RPH3AL: variants seen among roughly 807,000 people sequenced by gnomAD.
The protein encoded by RPH3AL is rab effector Noc2.
A neutral mutation model predicts 43.1 loss-of-function variants in RPH3AL; 38 were observed. That is an observed-to-expected ratio of 0.88 (90% CI 0.68 to 1.15). The LOEUF (loss-of-function observed/expected upper bound fraction) is 1.15, where lower values mean the gene tolerates loss of function less well. Ranked by LOEUF, RPH3AL falls within the 50% of genes most tolerant of loss-of-function variation. The pLI is 0.00. For missense variants in RPH3AL, 462 were observed against 423.2 expected, an observed-to-expected ratio of 1.09 and a Z score of -0.81; for synonymous variants, 189 against 176.3, an observed-to-expected ratio of 1.07 and a Z score of -0.57.
In RPH3AL at chr17:289,474, C is replaced by T. The variant is rs969862036; in HGVS notation, c.352-7620G>A. 3.3e-5 allele frequency among the ~76,000 whole-genome samples: 5 copies of T among 152,272 alleles called. No individual in the cohort carries two copies. Among genetic ancestry groups the T allele is most frequent in the Admixed American group, 1.3e-4 (2 of 15,304 alleles). On this transcript the variant is annotated intron_variant, in intron 5 of 9. Coordinates refer to ENST00000331302, the MANE Select transcript of RPH3AL (RefSeq NM_006987.4). The surrounding 1 kb of genome is among the most constrained non-coding windows in gnomAD (Gnocchi z 5.2). ...CCACCGCCCACGCCCACACCAAGGC[C>T]GCCCAGCAGATCTCTCTACCCCACC...
chr17:278,281 C>A (rs1053972768), intron 6 of RPH3AL, among the ~76,000 whole-genome samples: 1 of 152,174 alleles, frequency 6.6e-6, no homozygotes, highest in African/African-American at 2.4e-5. Context: ...GTAAGACGTG[C>A]CTTTCGCCTT....
chr17:286,563 G>T (rs2042917583), intron 5 of RPH3AL, among the ~76,000 whole-genome samples: 1 of 152,208 alleles, frequency 6.6e-6, no homozygotes, highest in South Asian at 2.1e-4. Flanking sequence ...CTCTTCCAAT[G>T]GGCTCGGTCT....
At chr17:260,226 G>A (rs1262112862) in intron 6 of RPH3AL, among the ~76,000 whole-genome samples, 1 of 152,168 alleles carries the variant, frequency 6.6e-6, no homozygotes, top group Non-Finnish European at 1.5e-5. Flanking sequence ...AGGCAGTCAC[G>A]CTTCCCCGGA....
intron 6 of RPH3AL, among the ~76,000 whole-genome samples, chr17:259,623 C>T (rs556303653): frequency 1.6e-4 from 24 of 152,342 alleles, no homozygotes; most frequent in Admixed American, 5.2e-4. Context: ...CCCTACTCGG[C>T]TCCCCACGTG....
At chr17:331,503 T>C in intron 2 of RPH3AL, 2 of 1,183,960 alleles carry the variant, frequency 1.7e-6, no homozygotes, top group Non-Finnish European at 2.2e-6. Flanking sequence ...TGGCCGTGGC[T>C]GGCACCTCAG....
intron 5 of RPH3AL, among the ~76,000 whole-genome samples, chr17:315,817 T>G (rs76139864): frequency 1.8e-4 from 13 of 72,770 alleles, no homozygotes; most frequent in Non-Finnish European, 1.5e-4. Context: ...CCCACCTCCA[T>G]TGACCTGTAG....
Position 321,381 on chromosome 17 carries a change from T to G in RPH3AL, c.112A>C (p.Thr38Pro), listed in dbSNP as rs2044466732. 6.2e-7 allele frequency: 1 copy of G among 1,610,980 alleles called. No homozygotes were observed. The highest frequency in any genetic ancestry group is 1.3e-5 in the African/African-American group (1 of 74,892). The stretch of plus-strand genomic sequence containing the variant: ...TGCTGCTTCCTCCTCTGCTTCTCCG[T>G]CTGGTAGGTGTGCACGGACCAGCCC... ...QTGWSVHTYQ[T>P]EKQRRKQHLS... The change falls in exon 4 of 10, where the codon ACG becomes CCG. Residue 38 changes from threonine to proline, a missense_variant. Physicochemically the swap from Thr to Pro is conservative, Grantham distance 38. Transcript: ENST00000331302.
intron 5 of RPH3AL, 92 bp downstream of exon 5, chr17:319,328 C>T: frequency 1.4e-6 from 2 of 1,467,818 alleles, no homozygotes; most frequent in Non-Finnish European, 1.8e-6. Context: ...CGCAGACATA[C>T]ACACTCCTGG....
At position 289,645 on chromosome 17, in the gene RPH3AL, A is replaced by C. The variant is rs979939982; in HGVS notation, c.352-7791T>G. Among the ~76,000 whole-genome samples, 1 of 152,104 alleles carries C rather than the reference A, an allele frequency of 6.6e-6. No individual in the cohort carries two copies. Among genetic ancestry groups the C allele is most frequent in the African/African-American group, 2.4e-5 (1 of 41,412 alleles). ...TCTGGGGTGACCACCGCCTCACTTC[A>C]TACGGCATTCGGGCCGGCCCTGCCT... is the stretch of plus-strand genomic sequence containing the variant. On this transcript the variant is annotated intron_variant, in intron 5 of 9. Transcript: ENST00000331302. The surrounding 1 kb of genome is among the most constrained non-coding windows in gnomAD (Gnocchi z 5.2).
At chr17:306,838 C>G (rs896818472) in intron 5 of RPH3AL, among the ~76,000 whole-genome samples, 1 of 151,890 alleles carries the variant, frequency 6.6e-6, no homozygotes, top group African/African-American at 2.4e-5. Context: ...CCCCTCTGAC[C>G]TCCTCTTCTT....
At chr17:222,155 T>C (rs879841103) in intron 7 of RPH3AL, among the ~76,000 whole-genome samples, 5 of 152,002 alleles carry the variant, frequency 3.3e-5, no homozygotes, top group Admixed American at 6.6e-5. Flanking sequence ...GAGCTGACCC[T>C]TAGGGAGCAT....
At position 243,084 on chromosome 17, in the gene RPH3AL, T is replaced by C. The variant is rs372198993; in HGVS notation, c.613+4027A>G. Among the ~76,000 whole-genome samples, 112 of 138,042 alleles carry C rather than the reference T, an allele frequency of 8.1e-4. 7 individuals carry two copies. Among genetic ancestry groups the C allele is most frequent in the Admixed American group, 2.1e-3 (30 of 14,320 alleles). The allele number at this position is 138,042 out of a possible 152,430, so 90.6% of individuals were successfully genotyped here. On this transcript the variant is annotated intron_variant, in intron 7 of 9. Coordinates refer to ENST00000331302, the MANE Select transcript of RPH3AL (RefSeq NM_006987.4). The stretch of plus-strand genomic sequence containing the variant: ...TTCCTCTATTGATTACCTTCCTCTA[T>C]TGATTACCTTTCCTCTACTGATTAC...
chr17:315,163 GCC>G (rs66651775), intron 5 of RPH3AL, among the ~76,000 whole-genome samples: 338 of 18,400 alleles, frequency 0.018, 8 homozygotes, highest in East Asian at 0.025. Context: ...TAGTCCCTGT[GCC>G]CCCACCTCCA....
intron 5 of RPH3AL, among the ~76,000 whole-genome samples, chr17:286,460 G>C (rs928789037): frequency 6.6e-6 from 1 of 152,192 alleles, no homozygotes; most frequent in African/African-American, 2.4e-5. Flanking sequence ...GCGTTCCTAA[G>C]AGGCGAGGGC....
At position 278,020 on chromosome 17, in the gene RPH3AL, A is replaced by G. The variant is rs1329109744; in HGVS notation, c.438+3748T>C. Among the ~76,000 whole-genome samples, 6 of 152,130 alleles carry G rather than the reference A, an allele frequency of 3.9e-5. No individual in the cohort carries two copies. The South Asian group carries it at 1.2e-3, about 32-fold the overall frequency. On this transcript the variant is annotated intron_variant, in intron 6 of 9. Transcript: ENST00000331302. Reference sequence around the variant, plus strand: ...TCCTTACAAAGGTCTCTAAGCACCAACATGGTCTGACCCACTCTATCGTAA... The same window carrying G: ...TCCTTACAAAGGTCTCTAAGCACCAGCATGGTCTGACCCACTCTATCGTAA...
chr17:347,408 T>C (rs1294055042), intron 1 of RPH3AL, among the ~76,000 whole-genome samples: 1 of 152,062 alleles, frequency 6.6e-6, no homozygotes, highest in Admixed American at 6.6e-5. Flanking sequence ...CAGTGGGACT[T>C]TGTATCTATG....
At chr17:334,555 C>T (rs1023514882) in intron 1 of RPH3AL, among the ~76,000 whole-genome samples, 1 of 140,420 alleles carries the variant, frequency 7.1e-6, no homozygotes, top group Non-Finnish European at 1.5e-5. Context: ...CTTCTCCCCA[C>T]GCCTTCCCCC....
At chr17:242,983 GA>G (rs1555537797) in intron 7 of RPH3AL, among the ~76,000 whole-genome samples, 2 of 122,864 alleles carry the variant, frequency 1.6e-5, no homozygotes, top group African/African-American at 6.1e-5. Context: ...TTCCTCTATT[GA>G]ATACCTTCCT....
chr17:305,784 A>G (rs1378557130), intron 5 of RPH3AL, among the ~76,000 whole-genome samples: 2 of 151,372 alleles, frequency 1.3e-5, no homozygotes, highest in Non-Finnish European at 2.9e-5. Context: ...CATCACTCAC[A>G]TCGCCCCATG....
Sources: gnomAD v4.1 joint callset for allele counts (sites outside exome capture counted in the v4.1 genomes callset) on GRCh38, gnomAD v4.1.1 for gene constraint, Gnocchi (gnomAD v3.1) non-coding constraint, MANE v1.5 for transcripts, NCBI Gene and HGNC (gene_info 2026-07-23, HGNC 2026-07-21) for gene names.